The following SNX29 variants were observed in gnomAD, a reference collection of about 807,000 sequenced individuals.
SNX29 encodes the protein sorting nexin 29.
In SNX29, 78 loss-of-function variants were observed where a neutral mutation model predicts 102.1. The observed-to-expected ratio is 0.76, with a 90% CI of 0.64 to 0.92. The LOEUF (loss-of-function observed/expected upper bound fraction) is 0.92. SNX29 is among the 40% of genes least tolerant of loss of function. The pLI is 0.00. For missense variants in SNX29, 1,280 were observed against 1,061.7 expected, an observed-to-expected ratio of 1.21 and a Z score of -2.86; for synonymous variants, 580 against 414.5, an observed-to-expected ratio of 1.40 and a Z score of -4.85.
intron 14 of SNX29, among the ~76,000 whole-genome samples, chr16:12,272,678 G>GATAA (rs1829053553): frequency 6.6e-6 from 1 of 152,142 alleles, no homozygotes; most frequent in Admixed American, 6.5e-5. Context: ...CAGGTACATA[G>GATAA]ATAAAGTCAT....
intron 14 of SNX29, among the ~76,000 whole-genome samples, chr16:12,239,639 C>CAAAAAAAAAAAAAAAAAAAAAAAAAAAAA (rs61024203): frequency 3.2e-5 from 2 of 62,568 alleles, no homozygotes; most frequent in African/African-American, 1.3e-4. Flanking sequence ...CCTGTTTCTA[C>CAAAAAAAAAAAAAAAAAAAAAAAAAAAAA]AAAAAAAAAA....
intron 15 of SNX29, among the ~76,000 whole-genome samples, chr16:12,353,330 T>C (rs2082042396): frequency 6.6e-6 from 1 of 152,188 alleles, no homozygotes; most frequent in Non-Finnish European, 1.5e-5. Context: ...ACTTCCTCCA[T>C]GTCTCCTGTC....
chr16:12,542,456 C>T (rs1341139632), intron 20 of SNX29, among the ~76,000 whole-genome samples: 3 of 152,214 alleles, frequency 2.0e-5, no homozygotes, highest in African/African-American at 4.8e-5. Context: ...CTCAGCTTCC[C>T]AAGTAGCTGG....
intron 5 of SNX29, among the ~76,000 whole-genome samples, 180 bp from the exon 6 acceptor site, chr16:12,046,204 A>G (rs746411295): frequency 1.8e-4 from 28 of 152,322 alleles, no homozygotes; most frequent in Non-Finnish European, 3.5e-4. Flanking sequence ...GTAGGATGTA[A>G]GTGTTCAGTC....
intron 15 of SNX29, among the ~76,000 whole-genome samples, chr16:12,354,151 G>A (rs1009809490): frequency 1.3e-5 from 2 of 152,170 alleles, no homozygotes; most frequent in Non-Finnish European, 2.9e-5. Context: ...ATAGTTATTC[G>A]AGGAACAGTA....
At chr16:12,080,319 G>C (rs893043557) in intron 11 of SNX29, among the ~76,000 whole-genome samples, 1 of 152,304 alleles carries the variant, frequency 6.6e-6, no homozygotes, top group South Asian at 2.1e-4. Context: ...AGCAGACACC[G>C]TAAGGCTGCT....
chr16:12,227,246 C>T (rs1174833003), intron 14 of SNX29, among the ~76,000 whole-genome samples: 2 of 152,168 alleles, frequency 1.3e-5, no homozygotes, highest in East Asian at 1.9e-4. Context: ...CGATCATGAC[C>T]GTGTGGTTAG....
At chr16:12,003,778 A>C (rs2056369097) in intron 3 of SNX29, among the ~76,000 whole-genome samples, 1 of 152,066 alleles carries the variant, frequency 6.6e-6, no homozygotes, top group Admixed American at 6.6e-5. Context: ...AGGCTGAGGC[A>C]GGTGGATCAC....
At position 12,568,361 on chromosome 16, in the gene SNX29, T is replaced by A. The variant is rs183471841; in HGVS notation, c.2319-145T>A. 19 of 1,081,556 alleles carry A rather than the reference T, an allele frequency of 1.8e-5. No homozygotes were observed. The African/African-American group carries it at 2.4e-4, about 14-fold the overall frequency. 67.0% of individuals were successfully genotyped at this position (1,081,556 alleles called of 1,614,324 possible). Reference sequence around the variant, plus strand: ...AATAGGGGTTTCTCATTTCTTCAGGTGGCACCAGTTAGAGGCAGATCCAAT... The same window carrying A: ...AATAGGGGTTTCTCATTTCTTCAGGAGGCACCAGTTAGAGGCAGATCCAAT... On this transcript the variant is annotated intron_variant, in intron 20 of 20. Transcript: ENST00000566228.
At chr16:12,560,344 A>G (rs1039813371) in intron 20 of SNX29, among the ~76,000 whole-genome samples, 1 of 152,036 alleles carries the variant, frequency 6.6e-6, no homozygotes. Context: ...CCGAAGGGGG[A>G]TTTACATTCA....
At chr16:12,200,071 G>T (rs1324065329) in intron 14 of SNX29, among the ~76,000 whole-genome samples, 1 of 152,114 alleles carries the variant, frequency 6.6e-6, no homozygotes, top group Non-Finnish European at 1.5e-5. Flanking sequence ...GGCTGATCAG[G>T]TTCCAATTCC....
chr16:12,557,886 G>C (rs531439050), intron 20 of SNX29, among the ~76,000 whole-genome samples: 70 of 152,274 alleles, frequency 4.6e-4, no homozygotes, highest in African/African-American at 1.5e-3. Flanking sequence ...GAGGGCCTCT[G>C]CAGGCAACTG....
chr16:12,179,332 A>T (rs2076331138), intron 13 of SNX29, among the ~76,000 whole-genome samples: 1 of 152,216 alleles, frequency 6.6e-6, no homozygotes, highest in Non-Finnish European at 1.5e-5. Context: ...CAAAATAGAA[A>T]AAGTTAGCCA....
chr16:12,045,686 CAGT>C (rs953499806), intron 5 of SNX29, among the ~76,000 whole-genome samples: 2 of 150,370 alleles, frequency 1.3e-5, no homozygotes, highest in African/African-American at 4.9e-5. Context: ...AGCTGGAGTA[CAGT>C]GGCGCGATCT....
intron 16 of SNX29, among the ~76,000 whole-genome samples, chr16:12,382,165 G>A (rs777106417): frequency 6.6e-6 from 1 of 151,996 alleles, no homozygotes; most frequent in African/African-American, 2.4e-5. Flanking sequence ...GGTATTTGCC[G>A]AGCGCCATGA....
At chr16:12,051,750 A>T (rs2050312144) in intron 7 of SNX29, 97 bp from the exon 8 acceptor site, 3 of 1,495,172 alleles carry the variant, frequency 2.0e-6, no homozygotes, top group Non-Finnish European at 2.7e-6. Context: ...TTCTCACTCG[A>T]ATAGTATTTT....
rs58951131 is a variant in SNX29 at position 12,484,243 on chromosome 16, G to A, written c.2178+6384G>A. ...GGCTCACTGCAGCCTCGAACTCCCC[G>A]GCTCCAGCCATCCTTCCACCTCAGC... On this transcript the variant is annotated intron_variant, in intron 19 of 20. Transcript: ENST00000566228. 6.1e-3 allele frequency among the ~76,000 whole-genome samples: 922 copies of A among 151,888 alleles called. 12 individuals carry two copies. The highest frequency in any genetic ancestry group is 0.021 in the African/African-American group (887 of 41,406).
At chr16:11,981,652 TAG>T (rs1477468330) in intron 1 of SNX29, among the ~76,000 whole-genome samples, 1 of 151,806 alleles carries the variant, frequency 6.6e-6, no homozygotes, top group Admixed American at 6.6e-5. Flanking sequence ...AATATTTGAG[TAG>T]AGTCAGAGGA....
intron 16 of SNX29, among the ~76,000 whole-genome samples, chr16:12,377,413 T>A (rs918000466): frequency 2.0e-5 from 3 of 152,190 alleles, no homozygotes; most frequent in Non-Finnish European, 4.4e-5. Flanking sequence ...ACATTCTGAC[T>A]CTTAAAGCTT....
Sources: gnomAD v4.1 joint callset for allele counts (sites outside exome capture counted in the v4.1 genomes callset) on GRCh38, gnomAD v4.1.1 for gene constraint, MANE v1.5 for transcripts, NCBI Gene and HGNC (gene_info 2026-07-23, HGNC 2026-07-21) for gene names.